The following GRIK2 variants were observed in gnomAD, a reference collection of about 807,000 sequenced individuals.
The protein encoded by GRIK2 is glutamate receptor ionotropic, kainate 2.
In GRIK2, 32 loss-of-function variants were observed where a neutral mutation model predicts 100.3. The ratio of observed to expected loss-of-function variants is 0.32; its 90% CI spans 0.24 to 0.43. The LOEUF is 0.43. Among genes scored for constraint, GRIK2 ranks in the 20% least tolerant of loss-of-function variants. The pLI is 1.00. For missense variants in GRIK2, 843 were observed against 1,114.9 expected, an observed-to-expected ratio of 0.76 and a Z score of 3.47; for synonymous variants, 417 against 389.4, an observed-to-expected ratio of 1.07 and a Z score of -0.83.
chr6:102,035,335 C>T lies in GRIK2; in HGVS notation c.2086-6C>T, dbSNP rs1421089598. On this transcript the variant is annotated splice_region_variant and splice_polypyrimidine_tract_variant and intron_variant, in intron 14 of 16. Transcript: ENST00000369134. ...CTCGTGACCAACTTATATTTATTTT[C>T]TTCAGAAATCAAAAATCTCCACGTA... The T allele has an allele frequency of 1.3e-6, 2 of 1,550,046 alleles. No individual in the cohort carries two copies. Among genetic ancestry groups the T allele is most frequent in the Admixed American group, 3.4e-5 (2 of 58,456 alleles).
At chr6:101,808,597 C>T (rs1344648774) in intron 9 of GRIK2, among the ~76,000 whole-genome samples, 2 of 151,824 alleles carry the variant, frequency 1.3e-5, no homozygotes, top group Admixed American at 6.6e-5. Flanking sequence ...TATCCTTTTT[C>T]TAGCATCAAA....
intron 14 of GRIK2, among the ~76,000 whole-genome samples, chr6:101,969,396 A>T (rs904976800): frequency 1.3e-5 from 2 of 151,978 alleles, no homozygotes; most frequent in East Asian, 3.9e-4. Flanking sequence ...TGTTTAATTT[A>T]TGTTATTTCT....
At chr6:101,825,041 G>C (rs1194380160) in intron 10 of GRIK2, among the ~76,000 whole-genome samples, 1 of 152,074 alleles carries the variant, frequency 6.6e-6, no homozygotes, top group African/African-American at 2.4e-5. Flanking sequence ...TTTCCATTGT[G>C]GTAGAAGGAC....
chr6:101,613,601 A>G (rs1779773158), intron 2 of GRIK2, among the ~76,000 whole-genome samples: 1 of 151,750 alleles, frequency 6.6e-6, no homozygotes, highest in South Asian at 2.1e-4. Context: ...TTAAACAATA[A>G]GCTTAAGATG....
chr6:101,839,056 T>TA (rs1783333399), intron 10 of GRIK2, among the ~76,000 whole-genome samples: 3 of 152,150 alleles, frequency 2.0e-5, no homozygotes, highest in Non-Finnish European at 4.4e-5. Context: ...TTTTGTTTGT[T>TA]TGTTTGTTTG....
At chr6:102,048,413 G>A (rs532772160) in intron 15 of GRIK2, among the ~76,000 whole-genome samples, 210 of 152,110 alleles carry the variant, frequency 1.4e-3, no homozygotes, top group African/African-American at 4.8e-3. Flanking sequence ...ATAATAGTGC[G>A]AAGGGACAAC....
chr6:101,559,953 T>C (rs1481926067), intron 2 of GRIK2, among the ~76,000 whole-genome samples: 1 of 152,130 alleles, frequency 6.6e-6, no homozygotes, highest in African/African-American at 2.4e-5. Flanking sequence ...CTAAATCAGA[T>C]TGATAATTTG....
intron 14 of GRIK2, among the ~76,000 whole-genome samples, chr6:101,948,503 G>T (rs902431009): frequency 6.8e-6 from 1 of 146,860 alleles, no homozygotes; most frequent in Non-Finnish European, 1.5e-5. Flanking sequence ...ACATAATATA[G>T]TTATATATAA....
intron 14 of GRIK2, among the ~76,000 whole-genome samples, chr6:101,985,346 C>T (rs1793962995): frequency 6.6e-6 from 1 of 151,704 alleles, no homozygotes; most frequent in Non-Finnish European, 1.5e-5. Flanking sequence ...CAGCAAGCAC[C>T]TCAATATTAG....
At chr6:101,810,836 T>C (rs1314827884) in intron 9 of GRIK2, among the ~76,000 whole-genome samples, 2 of 151,980 alleles carry the variant, frequency 1.3e-5, no homozygotes, top group Non-Finnish European at 2.9e-5. Flanking sequence ...GTGAGAAAAC[T>C]AATCTGTTGA....
At chr6:101,959,416 G>A (rs912007319) in intron 14 of GRIK2, among the ~76,000 whole-genome samples, 1 of 151,814 alleles carries the variant, frequency 6.6e-6, no homozygotes, top group African/African-American at 2.4e-5. Flanking sequence ...GTATTTCTGT[G>A]GTATCACTTG....
chr6:101,980,873 T>C (rs537167957), intron 14 of GRIK2, among the ~76,000 whole-genome samples: 2 of 149,670 alleles, frequency 1.3e-5, no homozygotes, highest in East Asian at 4.0e-4. Context: ...AAATTAACCA[T>C]TACCCTCCCA....
chr6:101,409,365 G>T (rs1775764468), intron 2 of GRIK2, among the ~76,000 whole-genome samples: 1 of 151,926 alleles, frequency 6.6e-6, no homozygotes, highest in Non-Finnish European at 1.5e-5. Flanking sequence ...TACACTCTGT[G>T]ATGTTCACAC....
At chr6:101,826,073 C>T (rs1433757935) in intron 10 of GRIK2, among the ~76,000 whole-genome samples, 1 of 151,844 alleles carries the variant, frequency 6.6e-6, no homozygotes, top group Non-Finnish European at 1.5e-5. Flanking sequence ...CTATTCACCC[C>T]AGCCAGAGGT....
chr6:101,903,021 T>G (rs1787979118), intron 12 of GRIK2, among the ~76,000 whole-genome samples: 1 of 151,816 alleles, frequency 6.6e-6, no homozygotes, highest in South Asian at 2.1e-4. Flanking sequence ...CTTAGAGACT[T>G]TTATCCTCAT....
At chr6:101,495,000 T>TATATATATAC (rs71547431) in intron 2 of GRIK2, among the ~76,000 whole-genome samples, 5 of 142,284 alleles carry the variant, frequency 3.5e-5, no homozygotes, top group Non-Finnish European at 7.6e-5. Context: ...TATATATATA[T>TATATATATAC]GAAGGAAAAT....
intron 2 of GRIK2, among the ~76,000 whole-genome samples, chr6:101,523,018 T>C (rs1309687712): frequency 6.6e-6 from 1 of 152,034 alleles, no homozygotes; most frequent in African/African-American, 2.4e-5. Context: ...GTTGGATTTA[T>C]GTTGATTTCT....
chr6:101,471,339 G>C (rs1454745930), intron 2 of GRIK2, among the ~76,000 whole-genome samples: 1 of 152,138 alleles, frequency 6.6e-6, no homozygotes, highest in East Asian at 1.9e-4. Context: ...CAATAATTTA[G>C]TGTGTTTGAT....
At chr6:101,735,627 A>G (rs1019858638) in intron 7 of GRIK2, among the ~76,000 whole-genome samples, 2 of 152,160 alleles carry the variant, frequency 1.3e-5, no homozygotes, top group Non-Finnish European at 2.9e-5. Context: ...CATGAAAACA[A>G]TATGTGAAAG....
Sources: allele counts gnomAD v4.1 joint callset (sites outside exome capture counted in the v4.1 genomes callset), GRCh38; gene constraint gnomAD v4.1.1; transcripts MANE v1.5; gene names NCBI Gene and HGNC (gene_info 2026-07-23, HGNC 2026-07-21).